Variants in PUM3 observed in about 807,000 individuals in gnomAD.
PUM3 encodes the protein pumilio homolog 3.
In PUM3, 91 loss-of-function variants were observed where a neutral mutation model predicts 84.0. That is an observed-to-expected ratio of 1.08 (90% CI 0.91 to 1.29). The LOEUF is 1.29. Ranked by LOEUF, PUM3 falls within the 50% of genes most tolerant of loss-of-function variation. The pLI is 0.00. For missense variants in PUM3, 1,067 were observed against 767.5 expected, an observed-to-expected ratio of 1.39 and a Z score of -4.61; for synonymous variants, 321 against 266.7, an observed-to-expected ratio of 1.20 and a Z score of -1.98.
intron 1 of PUM3, among the ~76,000 whole-genome samples, chr9:2,840,277 A>G (rs1473214623): frequency 1.3e-5 from 2 of 152,202 alleles, no homozygotes; most frequent in South Asian, 2.1e-4. Context: ...TCTTTATTAG[A>G]TCCAAACCAC....
intron 10 of PUM3, 94 bp from the exon 11 acceptor site, chr9:2,824,909 A>C: frequency 1.3e-6 from 1 of 756,966 alleles, no homozygotes; most frequent in Non-Finnish European, 1.9e-6. Context: ...TTATGCAGAG[A>C]GAAGGAAAGG....
chr9:2,833,578 A>G (rs887620428), intron 4 of PUM3, 146 bp from the exon 5 acceptor site: 4 of 504,246 alleles, frequency 7.9e-6, no homozygotes, highest in Non-Finnish European at 1.4e-5. Context: ...TAAAATTACT[A>G]TTCCAGAGCA....
At chr9:2,809,893 C>T (rs1378129751) in intron 16 of PUM3, among the ~76,000 whole-genome samples, 1 of 152,204 alleles carries the variant, frequency 6.6e-6, no homozygotes, top group African/African-American at 2.4e-5. Context: ...TAGTCCAAAA[C>T]TCTCTTACGA....
rs982391985 is a variant in PUM3 at position 2,811,650 on chromosome 9, A to C, written c.1413-67T>G. ...GCAAAGGAAATGTGGTGATATTATCACAAAAACCTCTAAGAGCTTATCACA... is the reference window on the plus strand; with the variant it reads ...GCAAAGGAAATGTGGTGATATTATCCCAAAAACCTCTAAGAGCTTATCACA... On this transcript the variant is annotated intron_variant, in intron 14 of 17. Coordinates refer to ENST00000397885, the MANE Select transcript of PUM3 (RefSeq NM_014878.5). 16 of 1,167,218 alleles carry C rather than the reference A, an allele frequency of 1.4e-5. No individual in the cohort carries two copies. The African/African-American group carries it at 2.4e-4, about 18-fold the overall frequency. 72.3% of individuals were successfully genotyped at this position (1,167,218 alleles called of 1,614,324 possible).
intron 15 of PUM3, 147 bp downstream of exon 15, chr9:2,811,214 A>C (rs1821361845): frequency 3.1e-6 from 2 of 653,734 alleles, no homozygotes; most frequent in Non-Finnish European, 5.4e-6. Context: ...ATTAAAGATG[A>C]ATGTAATTGC....
In PUM3 at chr9:2,823,790, CT is replaced by C; in HGVS notation, c.1178del (p.Lys393ArgfsTer25). ...GTTTTATTATACTTACATTAGCCACCTTTTCAACATAAGTCTTCATTGTTTT... is the reference window on the plus strand; with the variant it reads ...GTTTTATTATACTTACATTAGCCACCTTTCAACATAAGTCTTCATTGTTTT... ...IVKTMKTYVE[K>X]VANGQYSHLV... On this transcript the variant is annotated frameshift_variant, in exon 12 of 18. Coordinates refer to ENST00000397885, the MANE Select transcript of PUM3 (RefSeq NM_014878.5). LOFTEE classifies it high-confidence loss of function. 5.4e-6 allele frequency: 8 copies of C among 1,472,716 alleles called. No homozygotes were observed. The highest frequency in any genetic ancestry group is 2.3e-5 in the East Asian group (1 of 42,790). 91.2% of individuals were successfully genotyped at this position (1,472,716 alleles called of 1,614,324 possible).
rs532040846 is a variant in PUM3, at chr9:2,836,761, C to A, written c.304+419G>T. On this transcript the variant is annotated intron_variant, in intron 3 of 17. Transcript: ENST00000397885. ...CAGACTGATTCTTTAAAGCCAGATT[C>A]TATGATTAGTTGGGGCCTGTATCCT... Among the ~76,000 whole-genome samples, 8 of 152,112 alleles carry A rather than the reference C, an allele frequency of 5.3e-5. No individual in the cohort carries two copies. In the East Asian group the frequency reaches 1.5e-3, roughly 29 times the overall value.
chr9:2,807,926 AGT>A (rs747849593), intron 16 of PUM3, 22 bp from the exon 17 acceptor site: 1 of 1,450,658 alleles, frequency 6.9e-7, no homozygotes, highest in Non-Finnish European at 9.7e-7. Flanking sequence ...ACTGAAGCTT[AGT>A]GAACATCACA....
chr9:2,831,237 T>A lies in PUM3; in HGVS notation c.610+14A>T, dbSNP rs1191384782. 2.7e-6 allele frequency: 4 copies of A among 1,476,908 alleles called. No individual in the cohort carries two copies. The African/African-American group carries it at 4.2e-5, about 15-fold the overall frequency. 91.5% of individuals were successfully genotyped at this position (1,476,908 alleles called of 1,614,324 possible). A position where few individuals can be genotyped will look rare whatever the true frequency, so the allele number is the denominator to read the frequency against. On this transcript the variant is annotated intron_variant, in intron 6 of 17. Coordinates refer to ENST00000397885, the MANE Select transcript of PUM3 (RefSeq NM_014878.5). Reference sequence around the variant, plus strand: ...TTGCAAATGATAACATAATCTTTAGTATGTAATAAATACCTCGCAATTCTT... The same window carrying A: ...TTGCAAATGATAACATAATCTTTAGAATGTAATAAATACCTCGCAATTCTT...
At chr9:2,814,140 C>A (rs953916483) in intron 13 of PUM3, among the ~76,000 whole-genome samples, 5 of 152,080 alleles carry the variant, frequency 3.3e-5, no homozygotes, top group African/African-American at 9.7e-5. Context: ...GGAAAACACA[C>A]AAAAAGCATA....
rs1353381499 is a variant in PUM3 at position 2,828,600 on chromosome 9, C to T, written c.956+75G>A. The T allele has an allele frequency of 3.4e-6, 3 of 870,032 alleles. No homozygotes were observed. In the Admixed American group the frequency reaches 5.7e-5, roughly 17 times the overall value. 53.9% of individuals were successfully genotyped at this position (870,032 alleles called of 1,614,324 possible). A position where few individuals can be genotyped will look rare whatever the true frequency, so the allele number is the denominator to read the frequency against. On this transcript the variant is annotated intron_variant, in intron 9 of 17. Transcript: ENST00000397885. The stretch of plus-strand genomic sequence containing the variant: ...TGTAAGCAGGAAATAGCTACCTCTT[C>T]TGGGCAACAGTTATGGAAAACCTTC...
intron 13 of PUM3, among the ~76,000 whole-genome samples, chr9:2,819,703 T>G (rs1821547518): frequency 6.6e-6 from 1 of 152,204 alleles, no homozygotes; most frequent in South Asian, 2.1e-4. Flanking sequence ...TAAATATCAC[T>G]TTGCTAATTT....
chr9:2,832,898 A>C (rs1816022067), intron 5 of PUM3, among the ~76,000 whole-genome samples: 2 of 152,188 alleles, frequency 1.3e-5, no homozygotes, highest in Non-Finnish European at 2.9e-5. Flanking sequence ...AACAATGAAA[A>C]CTACTTTAGA....
chr9:2,819,872 T>C (rs1821550434), intron 13 of PUM3, 146 bp downstream of exon 13: 2 of 491,414 alleles, frequency 4.1e-6, no homozygotes, highest in African/African-American at 1.9e-5. Context: ...ACCTCCAAAA[T>C]AAAACATAAT....
At chr9:2,829,693 A>G (rs951887386) in intron 8 of PUM3, 81 bp downstream of exon 8, 43 of 1,188,728 alleles carry the variant, frequency 3.6e-5, no homozygotes, top group Non-Finnish European at 4.1e-5. Flanking sequence ...AATACATTCA[A>G]AAGATATATA....
At chr9:2,824,309 T>C (rs1451759311) in intron 11 of PUM3, among the ~76,000 whole-genome samples, 1 of 152,202 alleles carries the variant, frequency 6.6e-6, no homozygotes, top group African/African-American at 2.4e-5. Context: ...ATAAGGATCT[T>C]TACCTTTTCC....
At chr9:2,836,481 G>A (rs539275361) in intron 3 of PUM3, among the ~76,000 whole-genome samples, 4 of 152,162 alleles carry the variant, frequency 2.6e-5, no homozygotes, top group African/African-American at 4.8e-5. Context: ...ACTGAACATC[G>A]TTGACAGAGA....
chr9:2,827,800 A>G (rs1272492812), intron 9 of PUM3, among the ~76,000 whole-genome samples: 1 of 152,240 alleles, frequency 6.6e-6, no homozygotes, highest in Non-Finnish European at 1.5e-5. Flanking sequence ...AACCCATTTA[A>G]TCTTCACAAA....
intron 3 of PUM3, 82 bp downstream of exon 3, chr9:2,837,098 T>G (rs1269970141): frequency 1.0e-5 from 12 of 1,154,148 alleles, no homozygotes; most frequent in Non-Finnish European, 1.5e-5. Context: ...GGAATAAGAA[T>G]GTGAGGTTTC....
Sources: allele counts gnomAD v4.1 joint callset (sites outside exome capture counted in the v4.1 genomes callset), GRCh38; gene constraint gnomAD v4.1.1; transcripts MANE v1.5; gene names NCBI Gene and HGNC (gene_info 2026-07-23, HGNC 2026-07-21).